The following USP6NL variants were observed in gnomAD, a reference collection of about 807,000 sequenced individuals.
USP6NL encodes the protein USP6 N-terminal like, also known as USP6 N-terminal-like protein.
USP6NL carries 26 observed loss-of-function variants against 61.9 expected under a neutral mutation model. That is an observed-to-expected ratio of 0.42 (90% CI 0.31 to 0.58). USP6NL has a LOEUF of 0.58. Ranked by LOEUF, USP6NL falls within the 20% of genes least tolerant of loss-of-function variation. The probability of loss-of-function intolerance (pLI) is 0.16; values close to 1 mark genes in which losing one functional copy is unlikely to be tolerated. For synonymous variants in USP6NL, 432 were observed against 390.1 expected, an observed-to-expected ratio of 1.11 and a Z score of -1.27; for missense variants, 1,114 against 1,034.3, an observed-to-expected ratio of 1.08 and a Z score of -1.06.
intron 2 of USP6NL, among the ~76,000 whole-genome samples, chr10:11,552,573 C>T (rs750078060): frequency 1.3e-5 from 2 of 152,134 alleles, no homozygotes; most frequent in Non-Finnish European, 2.9e-5. Flanking sequence ...CCACGGGTTT[C>T]GTGAAGTTCT....
Position 11,510,480 on chromosome 10 carries a change from C to A in USP6NL, c.196-805G>T, listed in dbSNP as rs1421556844. On this transcript the variant is annotated intron_variant, in intron 5 of 14. Coordinates refer to ENST00000609104, the MANE Select transcript of USP6NL (RefSeq NM_014688.5). This position sits in a 1 kb window ranked among gnomAD's most constrained non-coding sequence, Gnocchi z 4.8. ...GGGTTTACAAAAAAGCATCAGGACACCAGGCTGCCAAAGTTGGGAGAAGTC... is the reference window on the plus strand; with the variant it reads ...GGGTTTACAAAAAAGCATCAGGACAACAGGCTGCCAAAGTTGGGAGAAGTC... 6.6e-6 allele frequency among the ~76,000 whole-genome samples: 1 copy of A among 152,030 alleles called. No homozygotes were observed. The highest frequency in any genetic ancestry group is 2.4e-5 in the African/African-American group (1 of 41,384).
At position 11,604,578 on chromosome 10, in the gene USP6NL, T is replaced by C. The variant is rs533583814; in HGVS notation, c.-83-6861A>G. ...AAATAATTTTTTGTGATAGAATAAA[T>C]GTTTCCCAAGCAAGTCTGGTGAATG... On this transcript the variant is annotated intron_variant, in intron 1 of 14. Coordinates refer to ENST00000609104, the MANE Select transcript of USP6NL (RefSeq NM_014688.5). 1.4e-4 allele frequency among the ~76,000 whole-genome samples: 22 copies of C among 152,266 alleles called. 1 individual carries two copies. In the South Asian group the frequency reaches 4.6e-3, roughly 32 times the overall value.
chr10:11,538,395 A>G (rs1053701182), intron 2 of USP6NL, among the ~76,000 whole-genome samples: 4 of 152,220 alleles, frequency 2.6e-5, no homozygotes, highest in Non-Finnish European at 5.9e-5. Flanking sequence ...TTTACTGAAT[A>G]TATGTATTAC....
intron 2 of USP6NL, among the ~76,000 whole-genome samples, chr10:11,530,967 A>C (rs901545664): frequency 6.6e-6 from 1 of 152,252 alleles, no homozygotes; most frequent in Non-Finnish European, 1.5e-5. Flanking sequence ...CAGTGACTGC[A>C]AACGATTATC....
At chr10:11,607,289 A>T (rs1173968251) in intron 1 of USP6NL, among the ~76,000 whole-genome samples, 2 of 152,148 alleles carry the variant, frequency 1.3e-5, no homozygotes, top group Non-Finnish European at 2.9e-5. Flanking sequence ...TTATCTTACC[A>T]CAGATATGCC....
chr10:11,529,045 C>T (rs1385666252), intron 2 of USP6NL, among the ~76,000 whole-genome samples: 1 of 152,136 alleles, frequency 6.6e-6, no homozygotes, highest in East Asian at 1.9e-4. Context: ...GTGGAGAGTG[C>T]TTACTTCTAT....
rs777302657 is a variant in USP6NL, at chr10:11,532,258, T to C, written c.5-4691A>G. ...AGAGTAACTTATCTATTCCAAGATTTCATTATTATTTTATAGTTCTCGAAC... is the reference window on the plus strand; with the variant it reads ...AGAGTAACTTATCTATTCCAAGATTCCATTATTATTTTATAGTTCTCGAAC... On this transcript the variant is annotated intron_variant, in intron 2 of 14. Coordinates refer to ENST00000609104, the MANE Select transcript of USP6NL (RefSeq NM_014688.5). The surrounding 1 kb of genome is among the most constrained non-coding windows in gnomAD (Gnocchi z 4.1). 6.3e-7 allele frequency: 1 copy of C among 1,578,008 alleles called. No individual in the cohort carries two copies. The highest frequency in any genetic ancestry group is 1.8e-5 in the Admixed American group (1 of 54,270).
At position 11,471,882 on chromosome 10, in the gene USP6NL, G is replaced by A. The variant is rs1200527824; in HGVS notation, c.1079-8033C>T. 3.3e-5 allele frequency among the ~76,000 whole-genome samples: 5 copies of A among 151,192 alleles called. No individual in the cohort carries two copies. In the South Asian group the frequency reaches 1.0e-3, roughly 32 times the overall value. On this transcript the variant is annotated intron_variant, in intron 14 of 14. Transcript: ENST00000609104. ...AGGAGATATACCTAATGTAAATGAC[G>A]AGTTAATGGGTGCAGCACACCAACA...
At position 11,463,881 on chromosome 10, in the gene USP6NL, A is replaced by T; in HGVS notation, c.1079-32T>A. 1 of 1,453,074 alleles carries T rather than the reference A, an allele frequency of 6.9e-7. No individual in the cohort carries two copies. Among genetic ancestry groups the T allele is most frequent in the Non-Finnish European group, 9.1e-7 (1 of 1,100,056 alleles). 90.0% of individuals were successfully genotyped at this position (1,453,074 alleles called of 1,614,324 possible). On this transcript the variant is annotated intron_variant, in intron 14 of 14. Transcript: ENST00000609104. This position sits in a 1 kb window ranked among gnomAD's most constrained non-coding sequence, Gnocchi z 6.3. ...AGAAAGAGAAAGGCTAAGTAAGATA[A>T]TACACGAGTAAACAGTAGCCAGTTG...
At chr10:11,483,161 A>G (rs1357516449) in intron 13 of USP6NL, among the ~76,000 whole-genome samples, 1 of 152,174 alleles carries the variant, frequency 6.6e-6, no homozygotes, top group African/African-American at 2.4e-5. Context: ...GAAGCTTTAT[A>G]TGGTGGAGAC....
In USP6NL at chr10:11,561,185, CA is replaced by C. The variant is rs910146373; in HGVS notation, c.5-33619del. Among the ~76,000 whole-genome samples the C allele has an allele frequency of 1.3e-5, 2 of 151,566 alleles. No homozygotes were observed. Among genetic ancestry groups the C allele is most frequent in the African/African-American group, 4.8e-5 (2 of 41,278 alleles). ...AAAATATGTTTGTGCTTTATACATC[CA>C]AAAAAAATAACATTGTAGAATACCT... On this transcript the variant is annotated intron_variant, in intron 2 of 14. Coordinates refer to ENST00000609104, the MANE Select transcript of USP6NL (RefSeq NM_014688.5). This position sits in a 1 kb window ranked among gnomAD's most constrained non-coding sequence, Gnocchi z 4.1.
intron 5 of USP6NL, among the ~76,000 whole-genome samples, chr10:11,517,245 G>A (rs1372846524): frequency 1.3e-5 from 2 of 152,178 alleles, no homozygotes; most frequent in African/African-American, 4.8e-5. Flanking sequence ...CAGAGTGTGA[G>A]AACAAATCCT....
chr10:11,480,979 T>C (rs932559260), intron 14 of USP6NL, among the ~76,000 whole-genome samples: 2 of 152,222 alleles, frequency 1.3e-5, no homozygotes, highest in Non-Finnish European at 2.9e-5. Flanking sequence ...CTGTGATCTT[T>C]CGACATTTTC....
intron 13 of USP6NL, among the ~76,000 whole-genome samples, chr10:11,484,719 A>G (rs569926353): frequency 3.9e-5 from 6 of 152,364 alleles, no homozygotes; most frequent in African/African-American, 1.2e-4. Context: ...ACTGCATTCT[A>G]TAAAAGTGTG....
At chr10:11,551,121 AC>A (rs1033680163) in intron 2 of USP6NL, among the ~76,000 whole-genome samples, 1 of 152,172 alleles carries the variant, frequency 6.6e-6, no homozygotes, top group African/African-American at 2.4e-5. Context: ...CAGCAATCTC[AC>A]TCCTAGGTAT....
chr10:11,501,022 T>A (rs771090227), intron 7 of USP6NL, 79 bp downstream of exon 7: 150 of 1,128,392 alleles, frequency 1.3e-4, no homozygotes, highest in Non-Finnish European at 1.8e-4. Flanking sequence ...CATATGAATA[T>A]CTTATGTCAC....
At chr10:11,497,093 CTTTTTTTTTTTT>C (rs11287847) in intron 7 of USP6NL, among the ~76,000 whole-genome samples, 1 of 130,750 alleles carries the variant, frequency 7.6e-6, no homozygotes, top group Non-Finnish European at 1.6e-5. Context: ...TCTCTTCCAT[CTTTTTTTTTTTT>C]TTTTTTTTAA....
intron 2 of USP6NL, among the ~76,000 whole-genome samples, chr10:11,588,572 G>A (rs1414830842): frequency 6.6e-6 from 1 of 152,130 alleles, no homozygotes; most frequent in Non-Finnish European, 1.5e-5. Context: ...AGGAGTAGAT[G>A]TAAGAATTTC....
Position 11,462,368 on chromosome 10 carries a change from T to C in USP6NL, c.*73A>G, listed in dbSNP as rs2096217869. 7.4e-6 allele frequency: 11 copies of C among 1,496,522 alleles called. No homozygotes were observed. In the East Asian group the frequency reaches 2.5e-4, roughly 34 times the overall value. The allele number at this position is 1,496,522 out of a possible 1,614,324, so 92.7% of individuals were successfully genotyped here. ...TGTTTACAATAGTATAAATACTGCT[T>C]TGGCAATTATGAACATAGCAATGTA... is the stretch of plus-strand genomic sequence containing the variant. On this transcript the variant is annotated 3_prime_UTR_variant, in exon 15 of 15. Transcript: ENST00000609104.
Sources: allele counts gnomAD v4.1 joint callset (sites outside exome capture counted in the v4.1 genomes callset), GRCh38; gene constraint gnomAD v4.1.1; non-coding constraint Gnocchi (gnomAD v3.1); transcripts MANE v1.5; gene names NCBI Gene and HGNC (gene_info 2026-07-23, HGNC 2026-07-21).